DCTN1: variants seen among roughly 807,000 people sequenced by gnomAD.
DCTN1 encodes dynactin subunit 1.
Under a neutral mutation model 161.2 loss-of-function variants are expected in DCTN1, and 61 were observed. The observed-to-expected ratio is 0.38, with a 90% CI of 0.31 to 0.47. DCTN1 has a LOEUF of 0.47. DCTN1 is among the 20% of genes least tolerant of loss of function. The pLI is 0.99. For synonymous variants in DCTN1, 653 were observed against 632.4 expected, an observed-to-expected ratio of 1.03 and a Z score of -0.49; for missense variants, 1,404 against 1,623.7, an observed-to-expected ratio of 0.86 and a Z score of 2.33.
chr2:74,373,383 C>G, intron 6 of DCTN1: 1 of 303,748 alleles, frequency 3.3e-6, no homozygotes. Flanking sequence ...CCTCTTCCTT[C>G]AAGTGCTAGA....
chr2:74,372,903 C>T, intron 7 of DCTN1, 25 bp downstream of exon 7: 3 of 1,613,346 alleles, frequency 1.9e-6, no homozygotes, highest in Non-Finnish European at 1.7e-6. Context: ...TCAGCAGTGG[C>T]TCACACAGGG....
In DCTN1 at chr2:74,362,046, C is replaced by A. The variant is rs1367480989; in HGVS notation, c.3699+6G>T. 7 of 1,613,460 alleles carry A rather than the reference C, an allele frequency of 4.3e-6. No homozygotes were observed. The Admixed American group carries it at 8.3e-5, about 19-fold the overall frequency. ...GTCCCATCCTCCACCCCATGCTCCCCCTCACCCTGAGGAAGGCTGATGAAG... is the reference window on the plus strand; with the variant it reads ...GTCCCATCCTCCACCCCATGCTCCCACTCACCCTGAGGAAGGCTGATGAAG... On this transcript the variant is annotated splice_donor_region_variant and intron_variant, in intron 31 of 31. Coordinates refer to ENST00000628224, the MANE Select transcript of DCTN1 (RefSeq NM_004082.5).
intron 31 of DCTN1, 60 bp downstream of exon 31, chr2:74,361,992 G>T: frequency 6.4e-7 from 1 of 1,562,862 alleles, no homozygotes; most frequent in South Asian, 1.1e-5. Context: ...TTCTGGAGGA[G>T]AGGGGGGCCC....
At chr2:74,391,188 C>T (rs1017613986) in intron 1 of DCTN1, 5 of 154,886 alleles carry the variant, frequency 3.2e-5, no homozygotes, top group African/African-American at 1.2e-4. Flanking sequence ...TTAAGTATAC[C>T]TGAGTAGCCA....
chr2:74,366,526 G>A lies in DCTN1; in HGVS notation c.2561C>T (p.Pro854Leu). The A allele has an allele frequency of 6.2e-7, 1 of 1,614,168 alleles. No individual in the cohort carries two copies. The highest frequency in any genetic ancestry group is 8.5e-7 in the Non-Finnish European group (1 of 1,180,008). The change falls in exon 22 of 32, where the codon CCA (proline) becomes CTA (leucine). Residue 854 changes from proline to leucine, a missense_variant. Pro to Leu is a moderately conservative substitution (Grantham distance 98, BLOSUM62 -3). This residue lies in a region of DCTN1 where 475 missense variants were observed against 489.8 expected (regional missense o/e 0.97). Transcript: ENST00000628224. ...AAGTAGCCCCTCATTCTCTGCCAGT[G>A]GGGCAATGAGCTGGGCAGCAGCAGC... ...VAAAAAQLIA[P>L]LAENEGLLVA...
chr2:74,371,855 A>G lies in DCTN1; in HGVS notation c.454-127T>C, dbSNP rs10179490. ...AAAAGGGAAAAAGCAGAAAGAGAGTATCAAAGCACAGTGAGAAAAGAAGAA... is the reference window on the plus strand; with the variant it reads ...AAAAGGGAAAAAGCAGAAAGAGAGTGTCAAAGCACAGTGAGAAAAGAAGAA... On this transcript the variant is annotated intron_variant, in intron 7 of 31. Coordinates refer to ENST00000628224, the MANE Select transcript of DCTN1 (RefSeq NM_004082.5). 0.011 allele frequency: 8,439 copies of G among 745,018 alleles called. 147 individuals are homozygous for G. The highest frequency in any genetic ancestry group is 0.057 in the African/African-American group (3,003 of 52,578). 46.2% of individuals were successfully genotyped at this position (745,018 alleles called of 1,614,324 possible).
rs376401397 is a variant in DCTN1 at position 74,377,992 on chromosome 2, G to A, written c.279+8C>T. ...ACATGCACAGACACAAAAGAAGGGCGTGAATACCTGGGACTGGCGCACAAA... is the reference window on the plus strand; with the variant it reads ...ACATGCACAGACACAAAAGAAGGGCATGAATACCTGGGACTGGCGCACAAA... On this transcript the variant is annotated splice_region_variant and intron_variant, in intron 2 of 31. Coordinates refer to ENST00000628224, the MANE Select transcript of DCTN1 (RefSeq NM_004082.5). The A allele has an allele frequency of 2.0e-4, 317 of 1,613,940 alleles. No homozygotes were observed. The highest frequency in any genetic ancestry group is 5.1e-4 in the South Asian group (46 of 91,060).
At chr2:74,378,312 G>T in intron 1 of DCTN1, 67 bp from the exon 2 acceptor site, 1 of 1,582,858 alleles carries the variant, frequency 6.3e-7, no homozygotes, top group Non-Finnish European at 8.6e-7. Context: ...TTATGTATAA[G>T]AAATGCCTCA....
upstream of DCTN1, among the ~76,000 whole-genome samples, chr2:74,382,992 G>A (rs182687204): frequency 0.038 from 5,801 of 151,590 alleles, 378 homozygotes; most frequent in African/African-American, 0.13. Context: ...GGAGAATGGC[G>A]TGAACCCGGG....
intron 16 of DCTN1, chr2:74,368,369 A>G (rs1262607648): frequency 1.6e-6 from 1 of 630,220 alleles, no homozygotes; most frequent in African/African-American, 1.8e-5. Context: ...CGGTGGAATC[A>G]AGGTCTTTCC....
chr2:74,371,899 T>G, intron 7 of DCTN1, 171 bp from the exon 8 acceptor site: 2 of 616,860 alleles, frequency 3.2e-6, no homozygotes, highest in East Asian at 2.8e-5. Context: ...ACAAGGAAAA[T>G]GATACAGAGA....
At chr2:74,362,220 G>A in intron 30 of DCTN1, 79 bp from the exon 31 acceptor site, 1 of 1,296,466 alleles carries the variant, frequency 7.7e-7, no homozygotes, top group Non-Finnish European at 1.1e-6. Context: ...GTTTCACAGA[G>A]ACACTAATAC....
At position 74,377,637 on chromosome 2, in the gene DCTN1, G is replaced by A; in HGVS notation, c.358+11C>T. The A allele has an allele frequency of 2.5e-6, 4 of 1,612,556 alleles. No individual in the cohort carries two copies. In the South Asian group the frequency reaches 3.3e-5, roughly 13 times the overall value. On this transcript the variant is annotated intron_variant, in intron 3 of 31. Transcript: ENST00000628224. ...GCTATGGGGAGGCAACTTTAAGTGG[G>A]TGGTTGTTACCTCTTTTGAGGACTT...
At position 74,366,055 on chromosome 2, in the gene DCTN1, T is replaced by G. The variant is rs754399792; in HGVS notation, c.2761-37A>C. 85 of 1,613,832 alleles carry G rather than the reference T, an allele frequency of 5.3e-5. 1 individual carries two copies. Among genetic ancestry groups the G allele is most frequent in the Non-Finnish European group, 1.1e-5 (13 of 1,180,012 alleles). ...TCGGTAGGGGGTGAGAAAGTGAGGG[T>G]GGAGAGAAGAGATCATCACTGTGCT... is the stretch of plus-strand genomic sequence containing the variant. On this transcript the variant is annotated intron_variant, in intron 23 of 31. Coordinates refer to ENST00000628224, the MANE Select transcript of DCTN1 (RefSeq NM_004082.5).
In DCTN1 at chr2:74,370,953, G is replaced by C. The variant is rs1674794639; in HGVS notation, c.843+26C>G. ...CTTCCTTAGGTCTCAGGCTGCCCCA[G>C]CCACCCCCTTCATCCAGAGTCAAAC... On this transcript the variant is annotated intron_variant, in intron 9 of 31. Transcript: ENST00000628224. This position sits in a 1 kb window ranked among gnomAD's most constrained non-coding sequence, Gnocchi z 4.4. 2 of 1,613,282 alleles carry C rather than the reference G, an allele frequency of 1.2e-6. No individual in the cohort carries two copies. Among genetic ancestry groups the C allele is most frequent in the Non-Finnish European group, 1.7e-6 (2 of 1,180,030 alleles).
intron 19 of DCTN1, 122 bp downstream of exon 19, chr2:74,367,230 G>A (rs1353869353): frequency 2.0e-6 from 3 of 1,527,688 alleles, no homozygotes; most frequent in African/African-American, 2.7e-5. Flanking sequence ...TAGTTTCCCT[G>A]ATATGGCTTT....
Position 74,362,111 on chromosome 2 carries a change from G to A in DCTN1, c.3640C>T (p.Arg1214Cys), listed in dbSNP as rs759373031. 4.5e-5 allele frequency: 72 copies of A among 1,613,688 alleles called. No homozygotes were observed. The highest frequency in any genetic ancestry group is 3.3e-4 in the Middle Eastern group (2 of 6,080). Residue 1214 changes from arginine to cysteine, a missense_variant, in exon 31 of 32, where the codon CGC becomes TGC. Physicochemically the swap from Arg to Cys is radical, Grantham distance 180 (BLOSUM62 -3). Transcript: ENST00000628224. Reference sequence around the variant, plus strand: ...TCAGTGGGTACTGTGGCTCCAGGGCGCTGAGATACTGTCTCCTTGAGGACC... The same window carrying A: ...TCAGTGGGTACTGTGGCTCCAGGGCACTGAGATACTGTCTCCTTGAGGACC... ...DEVLKETVSQ[R>C]PGATVPTDFA...
intron 30 of DCTN1, 101 bp from the exon 31 acceptor site, chr2:74,362,242 G>A: frequency 2.0e-6 from 2 of 1,021,162 alleles, no homozygotes; most frequent in East Asian, 2.5e-5. Flanking sequence ...AGGGGGGCAG[G>A]GACTTAGTCC....
intron 8 of DCTN1, 103 bp downstream of exon 8, chr2:74,371,434 A>G: frequency 7.5e-7 from 1 of 1,325,598 alleles, no homozygotes; most frequent in Non-Finnish European, 1.0e-6. Context: ...TTTCTGATCC[A>G]AGTTCTAGGT....
Sources: allele counts gnomAD v4.1 joint callset (sites outside exome capture counted in the v4.1 genomes callset), GRCh38; gene constraint gnomAD v4.1.1; regional missense constraint gnomAD v4.1.1; non-coding constraint Gnocchi (gnomAD v3.1); transcripts MANE v1.5; gene names NCBI Gene and HGNC (gene_info 2026-07-23, HGNC 2026-07-21).